Variants in EDIL3 observed in about 807,000 individuals in gnomAD.
EDIL3 encodes EGF-like repeat and discoidin I-like domain-containing protein 3.
EDIL3 carries 37 observed loss-of-function variants against 67.4 expected under a neutral mutation model. The observed-to-expected ratio is 0.55, with a 90% CI of 0.42 to 0.72. The LOEUF (loss-of-function observed/expected upper bound fraction) is 0.72, where lower values mean the gene tolerates loss of function less well. EDIL3 is among the 30% of genes least tolerant of loss of function. The probability of loss-of-function intolerance (pLI) is 0.00; values close to 1 mark genes in which losing one functional copy is unlikely to be tolerated. For synonymous variants in EDIL3, 195 were observed against 196.3 expected (o/e 0.99, Z 0.05); for missense variants, 527 against 586.3 (o/e 0.90, Z 1.04).
Position 84,060,301 on chromosome 5 carries a change from T to C in EDIL3, c.1136A>G (p.Gln379Arg). The change falls in exon 9 of 11, where the codon CAG (glutamine) becomes CGG (arginine). Residue 379 changes from glutamine to arginine, a missense_variant and splice_region_variant. Around this residue, in one of 2 missense-constraint regions of EDIL3, gnomAD observed 494 missense variants for 522.5 expected, o/e 0.95. Coordinates refer to ENST00000296591, the MANE Select transcript of EDIL3 (RefSeq NM_005711.5). Reference sequence around the variant, plus strand: ...TGAAACAGTTTTGGAAAACTTTACCTGTAACCATTGTGACTGGTCATTGTG... The same window carrying C: ...TGAAACAGTTTTGGAAAACTTTACCCGTAACCATTGTGACTGGTCATTGTG... ...SGHNDQSQWL[Q>R]VDLLVPTKVT... is the part of the protein sequence containing the mutation. 6.2e-7 allele frequency: 1 copy of C among 1,613,226 alleles called. No homozygotes were observed. The highest frequency in any genetic ancestry group is 8.5e-7 in the Non-Finnish European group (1 of 1,179,590).
At chr5:84,167,767 C>T (rs938823184) in intron 4 of EDIL3, among the ~76,000 whole-genome samples, 1 of 152,082 alleles carries the variant, frequency 6.6e-6, no homozygotes, top group East Asian at 1.9e-4. Context: ...ATTATCATTA[C>T]TTAAAGTTGA....
At chr5:84,184,192 T>C (rs1339036456) in intron 3 of EDIL3, among the ~76,000 whole-genome samples, 1 of 152,028 alleles carries the variant, frequency 6.6e-6, no homozygotes, top group African/African-American at 2.4e-5. Flanking sequence ...CTGACAAAAA[T>C]GGGGCAAATA....
intron 9 of EDIL3, among the ~76,000 whole-genome samples, chr5:84,039,249 C>T (rs544115465): frequency 6.6e-6 from 1 of 152,156 alleles, no homozygotes; most frequent in East Asian, 1.9e-4. Context: ...TTCCTGGTAA[C>T]TTTAACCCAT....
At chr5:84,308,774 A>G (rs942858142) in intron 1 of EDIL3, among the ~76,000 whole-genome samples, 33 of 152,358 alleles carry the variant, frequency 2.2e-4, no homozygotes, top group African/African-American at 7.9e-4. Context: ...TTGTATAAAA[A>G]GATCAATTGG....
chr5:84,247,891 C>G (rs1744941919), intron 2 of EDIL3, among the ~76,000 whole-genome samples: 1 of 151,956 alleles, frequency 6.6e-6, no homozygotes, highest in South Asian at 2.1e-4. Context: ...CCTGTACTGA[C>G]CTACTGTCAA....
chr5:84,173,072 G>A (rs555907309), intron 4 of EDIL3, among the ~76,000 whole-genome samples: 79 of 152,308 alleles, frequency 5.2e-4, no homozygotes, highest in African/African-American at 1.7e-3. Context: ...GTGCCCAGAA[G>A]ATAGGATCTG....
At chr5:84,366,482 T>A (rs1318238115) in intron 1 of EDIL3, among the ~76,000 whole-genome samples, 1 of 152,216 alleles carries the variant, frequency 6.6e-6, no homozygotes, top group African/African-American at 2.4e-5. Flanking sequence ...CTTACTTCTT[T>A]ACTTCATAGT....
At chr5:83,986,599 G>C (rs540269388) in intron 9 of EDIL3, among the ~76,000 whole-genome samples, 1 of 152,032 alleles carries the variant, frequency 6.6e-6, no homozygotes, top group Non-Finnish European at 1.5e-5. Flanking sequence ...CTAGGCACTC[G>C]GGTTACTAAA....
chr5:84,268,126 G>A (rs1468424746), intron 1 of EDIL3, among the ~76,000 whole-genome samples: 2 of 150,898 alleles, frequency 1.3e-5, no homozygotes, highest in Non-Finnish European at 2.9e-5. Flanking sequence ...GACAGAGTGA[G>A]ATCTCGTCTC....
chr5:84,075,245 T>A (rs893205602), intron 6 of EDIL3, among the ~76,000 whole-genome samples: 12 of 152,026 alleles, frequency 7.9e-5, no homozygotes, highest in Non-Finnish European at 8.8e-5. Context: ...ATATACCTAA[T>A]GCTAAATGAC....
intron 4 of EDIL3, among the ~76,000 whole-genome samples, chr5:84,151,154 T>A (rs1748381490): frequency 6.6e-6 from 1 of 152,106 alleles, no homozygotes; most frequent in Non-Finnish European, 1.5e-5. Flanking sequence ...TTTAAATTTG[T>A]GTATTTTATT....
chr5:84,088,171 C>T (rs902684407), intron 6 of EDIL3, among the ~76,000 whole-genome samples: 1 of 152,128 alleles, frequency 6.6e-6, no homozygotes, highest in Non-Finnish European at 1.5e-5. Context: ...ATATATTGTC[C>T]AAATAGCTCT....
At chr5:84,225,955 T>C (rs563976424) in intron 3 of EDIL3, among the ~76,000 whole-genome samples, 1 of 151,784 alleles carries the variant, frequency 6.6e-6, no homozygotes, top group Admixed American at 6.6e-5. Flanking sequence ...TTTTTGGCAG[T>C]AAAAAACGCT....
At chr5:83,971,439 C>A (rs747997898) in intron 9 of EDIL3, among the ~76,000 whole-genome samples, 10 of 151,584 alleles carry the variant, frequency 6.6e-5, no homozygotes, top group Non-Finnish European at 1.2e-4. Context: ...CCTGGTTAAC[C>A]TTTTATTTTT....
At chr5:84,026,038 A>G (rs142682820) in intron 9 of EDIL3, among the ~76,000 whole-genome samples, 2 of 152,254 alleles carry the variant, frequency 1.3e-5, no homozygotes, top group East Asian at 1.9e-4. Flanking sequence ...TTGCTACTCA[A>G]CGTGTGGTCT....
intron 1 of EDIL3, among the ~76,000 whole-genome samples, chr5:84,268,042 C>T (rs1459676868): frequency 6.6e-6 from 1 of 152,136 alleles, no homozygotes; most frequent in Non-Finnish European, 1.5e-5. Flanking sequence ...GAGGCTGAGG[C>T]AGGAGAATTG....
intron 1 of EDIL3, among the ~76,000 whole-genome samples, chr5:84,290,802 T>C (rs1047524195): frequency 6.6e-6 from 1 of 152,162 alleles, no homozygotes; most frequent in Non-Finnish European, 1.5e-5. Context: ...AAATAAACTC[T>C]ACGATTTTCT....
intron 1 of EDIL3, among the ~76,000 whole-genome samples, chr5:84,381,305 G>A (rs947317242): frequency 6.6e-6 from 1 of 152,056 alleles, no homozygotes; most frequent in Non-Finnish European, 1.5e-5. Flanking sequence ...ACTTTCACAT[G>A]AGAATACTTC....
At chr5:84,320,015 G>C (rs1341797965) in intron 1 of EDIL3, among the ~76,000 whole-genome samples, 1 of 152,060 alleles carries the variant, frequency 6.6e-6, no homozygotes, top group African/African-American at 2.4e-5. Flanking sequence ...GTGGGTGCCT[G>C]GGGGAGGGAA....
Sources: gnomAD v4.1 joint callset for allele counts (sites outside exome capture counted in the v4.1 genomes callset) on GRCh38, gnomAD v4.1.1 for gene constraint, gnomAD v4.1.1 regional missense constraint, MANE v1.5 for transcripts, NCBI Gene and HGNC (gene_info 2026-07-23, HGNC 2026-07-21) for gene names.